Variants in MRPL48 observed in about 807,000 individuals in gnomAD.
The protein encoded by MRPL48 is large ribosomal subunit protein mL48.
In MRPL48, 16 loss-of-function variants were observed where a neutral mutation model predicts 32.9. That is an observed-to-expected ratio of 0.49 (90% CI 0.33 to 0.74). The LOEUF is 0.74. Ranked by LOEUF, MRPL48 falls within the 30% of genes least tolerant of loss-of-function variation. The pLI, the probability that MRPL48 is intolerant of heterozygous loss-of-function variation, is 0.02. For missense variants in MRPL48, 206 were observed against 245.3 expected (o/e 0.84, Z 1.07); for synonymous variants, 94 against 89.2 (o/e 1.05, Z -0.31).
intron 3 of MRPL48, among the ~76,000 whole-genome samples, chr11:73,814,333 A>G (rs1440942265): frequency 6.6e-6 from 1 of 151,876 alleles, no homozygotes; most frequent in Admixed American, 6.6e-5. Flanking sequence ...CTGAAGTTGC[A>G]GTGAGCTATG....
chr11:73,794,996 C>T (rs904499414), intron 1 of MRPL48, among the ~76,000 whole-genome samples: 4 of 151,862 alleles, frequency 2.6e-5, no homozygotes, highest in South Asian at 4.2e-4. Flanking sequence ...CTGAAACCTC[C>T]GCCTTCTGGG....
chr11:73,846,234 G>A (rs985001333), intron 5 of MRPL48, among the ~76,000 whole-genome samples: 2 of 151,974 alleles, frequency 1.3e-5, no homozygotes, highest in Non-Finnish European at 2.9e-5. Flanking sequence ...TATAGTATTT[G>A]TCTTTTTGTG....
intron 5 of MRPL48, among the ~76,000 whole-genome samples, chr11:73,854,192 G>C (rs1948449613): frequency 6.6e-6 from 1 of 152,086 alleles, no homozygotes. Context: ...TTTCCCTTTG[G>C]CTTTTACTTT....
At chr11:73,857,256 G>C (rs1225547974) in intron 5 of MRPL48, among the ~76,000 whole-genome samples, 1 of 151,486 alleles carries the variant, frequency 6.6e-6, no homozygotes, top group Non-Finnish European at 1.5e-5. Context: ...TCAGCCTCCC[G>C]AGTAGTAGGG....
intron 5 of MRPL48, among the ~76,000 whole-genome samples, chr11:73,854,527 TCCG>T (rs1948454948): frequency 6.6e-6 from 1 of 152,170 alleles, no homozygotes; most frequent in Non-Finnish European, 1.5e-5. Flanking sequence ...CCTCAAGTGA[TCCG>T]CCCGCCTTGG....
intron 5 of MRPL48, among the ~76,000 whole-genome samples, chr11:73,849,523 A>T (rs866203809): frequency 1.3e-5 from 2 of 152,152 alleles, no homozygotes; most frequent in South Asian, 4.2e-4. Flanking sequence ...TTTCTTTTTG[A>T]TTCTTCTTTT....
intron 4 of MRPL48, among the ~76,000 whole-genome samples, chr11:73,836,498 C>CA (rs1282374602): frequency 1.3e-5 from 2 of 152,276 alleles, no homozygotes; most frequent in Admixed American, 1.3e-4. Context: ...CGTGCCCTTC[C>CA]AAAAATGCCA....
At chr11:73,798,483 A>G (rs1164656296) in intron 1 of MRPL48, among the ~76,000 whole-genome samples, 1 of 152,180 alleles carries the variant, frequency 6.6e-6, no homozygotes, top group Non-Finnish European at 1.5e-5. Context: ...TCTTGTATGA[A>G]AAACAAGAAC....
intron 5 of MRPL48, among the ~76,000 whole-genome samples, chr11:73,847,709 G>C (rs1403141101): frequency 1.3e-5 from 2 of 152,078 alleles, no homozygotes; most frequent in African/African-American, 4.8e-5. Context: ...CTCCCAAAGT[G>C]CTGGGATTAC....
At chr11:73,823,915 G>A (rs867315651) in intron 3 of MRPL48, among the ~76,000 whole-genome samples, 1 of 151,534 alleles carries the variant, frequency 6.6e-6, no homozygotes, top group Non-Finnish European at 1.5e-5. Context: ...GAGTGCAGTG[G>A]CATGATCTTG....
At chr11:73,834,528 GT>G (rs11444489) in intron 4 of MRPL48, among the ~76,000 whole-genome samples, 18 of 142,778 alleles carry the variant, frequency 1.3e-4, no homozygotes, top group Non-Finnish European at 1.5e-4. Flanking sequence ...GTTTTTGCTG[GT>G]TTTTTTTTTT....
At chr11:73,793,227 A>G (rs1278968612) in intron 1 of MRPL48, among the ~76,000 whole-genome samples, 1 of 152,098 alleles carries the variant, frequency 6.6e-6, no homozygotes, top group Non-Finnish European at 1.5e-5. Context: ...TACCATGCCC[A>G]TCTAATTTTG....
chr11:73,857,431 C>T (rs570428126), intron 5 of MRPL48, among the ~76,000 whole-genome samples: 12 of 151,158 alleles, frequency 7.9e-5, no homozygotes, highest in African/African-American at 2.7e-4. Context: ...TGCGCCCGAC[C>T]GACTTTTTTC....
At chr11:73,816,976 C>T (rs1275896989) in intron 3 of MRPL48, among the ~76,000 whole-genome samples, 1 of 151,828 alleles carries the variant, frequency 6.6e-6, no homozygotes, top group Non-Finnish European at 1.5e-5. Context: ...CAGGTGTGCA[C>T]TACCATGCCT....
chr11:73,824,584 CAA>C (rs962587652), intron 3 of MRPL48, among the ~76,000 whole-genome samples: 1 of 137,740 alleles, frequency 7.3e-6, no homozygotes, highest in Admixed American at 7.4e-5. Context: ...GACTCTATCT[CAA>C]AAAAAAAAAC....
chr11:73,819,491 G>A (rs893615648), intron 3 of MRPL48, among the ~76,000 whole-genome samples: 2 of 152,124 alleles, frequency 1.3e-5, no homozygotes, highest in African/African-American at 4.8e-5. Flanking sequence ...GCATGATAGA[G>A]CTATCACTAT....
intron 1 of MRPL48, among the ~76,000 whole-genome samples, chr11:73,799,168 C>G (rs1195478888): frequency 6.6e-6 from 1 of 151,900 alleles, no homozygotes; most frequent in Non-Finnish European, 1.5e-5. Flanking sequence ...AGAGCCTGGG[C>G]AACATGGCAA....
At chr11:73,806,421 G>T (rs1000289959) in intron 2 of MRPL48, among the ~76,000 whole-genome samples, 1 of 152,030 alleles carries the variant, frequency 6.6e-6, no homozygotes, top group African/African-American at 2.4e-5. Context: ...TCAGGTTTCT[G>T]TCCAAATGTC....
chr11:73,817,079 G>T (rs117015948), intron 3 of MRPL48, among the ~76,000 whole-genome samples: 4 of 151,828 alleles, frequency 2.6e-5, no homozygotes, highest in Admixed American at 6.6e-5. Flanking sequence ...TGGTTCACCC[G>T]CTTGGGCCTC....
Sources: allele counts gnomAD v4.1 joint callset (sites outside exome capture counted in the v4.1 genomes callset), GRCh38; gene constraint gnomAD v4.1.1; transcripts MANE v1.5; gene names NCBI Gene and HGNC (gene_info 2026-07-23, HGNC 2026-07-21).